LRRC4C: variants seen among roughly 807,000 people sequenced by gnomAD.
LRRC4C encodes leucine-rich repeat-containing protein 4C.
Under a neutral mutation model 33.6 loss-of-function variants are expected in LRRC4C, and 5 were observed. That is an observed-to-expected ratio of 0.15 (90% CI 0.08 to 0.31). LRRC4C has a LOEUF of 0.31. Ranked by LOEUF, LRRC4C falls within the 10% of genes least tolerant of loss-of-function variation. LRRC4C has a pLI of 1.00. For synonymous variants in LRRC4C, 329 were observed against 302.0 expected, an observed-to-expected ratio of 1.09 and a Z score of -0.93; for missense variants, 560 against 796.7, an observed-to-expected ratio of 0.70 and a Z score of 3.58.
chr11:40,906,643 T>C (rs1303770344), intron 2 of LRRC4C, among the ~76,000 whole-genome samples: 1 of 152,204 alleles, frequency 6.6e-6, no homozygotes, highest in Non-Finnish European at 1.5e-5. Flanking sequence ...ATTCCCTTTA[T>C]TGTGGTTGTC....
chr11:40,338,738 C>T (rs1946740494), intron 3 of LRRC4C, among the ~76,000 whole-genome samples: 1 of 151,974 alleles, frequency 6.6e-6, no homozygotes. Context: ...AAACTTACTC[C>T]AACGTTTCTG....
chr11:41,091,139 C>G (rs982292609), intron 1 of LRRC4C, among the ~76,000 whole-genome samples: 1 of 151,684 alleles, frequency 6.6e-6, no homozygotes, highest in Non-Finnish European at 1.5e-5. Context: ...TCTCTGTTGT[C>G]TATGTAATAC....
intron 3 of LRRC4C, among the ~76,000 whole-genome samples, chr11:40,646,542 C>T (rs1942469339): frequency 6.6e-6 from 1 of 152,138 alleles, no homozygotes; most frequent in South Asian, 2.1e-4. Context: ...AATAGAAAGA[C>T]CAAGTTTGAC....
rs976472582 is a variant in LRRC4C, at chr11:40,616,582, T to G, written c.-270+31560A>C. Among the ~76,000 whole-genome samples the G allele has an allele frequency of 2.6e-5, 4 of 151,636 alleles. No individual in the cohort carries two copies. The East Asian group carries it at 5.8e-4, about 22-fold the overall frequency. On this transcript the variant is annotated intron_variant, in intron 3 of 6. Coordinates refer to ENST00000528697, the MANE Select transcript of LRRC4C (RefSeq NM_001258419.2). ...ACACCATGGAATACTATGCAGCCAT[T>G]AAAAATGATGAGTTCATGTCCTTTG...
At chr11:40,654,906 G>T (rs1409695905) in intron 2 of LRRC4C, among the ~76,000 whole-genome samples, 3 of 152,118 alleles carry the variant, frequency 2.0e-5, no homozygotes, top group Non-Finnish European at 4.4e-5. Flanking sequence ...GGGTGAGTGA[G>T]TTCTCACAAG....
chr11:41,079,104 T>C (rs1177208536), intron 1 of LRRC4C, among the ~76,000 whole-genome samples: 1 of 152,178 alleles, frequency 6.6e-6, no homozygotes, highest in Non-Finnish European at 1.5e-5. Flanking sequence ...ACCTTTACGA[T>C]TGTCTAAAAG....
At chr11:40,385,887 T>TAAATAAATAAATAAATAAATAAATA (rs529477379) in intron 3 of LRRC4C, among the ~76,000 whole-genome samples, 54 of 148,020 alleles carry the variant, frequency 3.6e-4, no homozygotes, top group Non-Finnish European at 7.2e-4. Context: ...AATAAATAAA[T>TAAATAAATAAATAAATAAATAAATA]AAATAAAATA....
At chr11:41,336,493 G>A (rs760912653) in intron 1 of LRRC4C, among the ~76,000 whole-genome samples, 6 of 152,006 alleles carry the variant, frequency 3.9e-5, no homozygotes, top group Non-Finnish European at 7.4e-5. Flanking sequence ...GTCAAGTATA[G>A]TAGAAAGAAG....
intron 3 of LRRC4C, among the ~76,000 whole-genome samples, chr11:40,320,577 A>G (rs1945795212): frequency 1.3e-5 from 2 of 152,234 alleles, no homozygotes; most frequent in African/African-American, 4.8e-5. Context: ...TTGATATAGC[A>G]TCACAGAAAA....
At chr11:40,321,752 T>A (rs1945859527) in intron 3 of LRRC4C, among the ~76,000 whole-genome samples, 1 of 152,222 alleles carries the variant, frequency 6.6e-6, no homozygotes, top group Admixed American at 6.5e-5. Context: ...ATATTGATCT[T>A]TTCATACCTG....
At chr11:41,356,631 T>C (rs1235876130) in intron 1 of LRRC4C, among the ~76,000 whole-genome samples, 1 of 152,094 alleles carries the variant, frequency 6.6e-6, no homozygotes, top group African/African-American at 2.4e-5. Context: ...CTTGACCTCC[T>C]AGAGAAGGGG....
chr11:40,171,291 A>G (rs1487062546), intron 5 of LRRC4C, among the ~76,000 whole-genome samples: 2 of 152,178 alleles, frequency 1.3e-5, no homozygotes, highest in African/African-American at 4.8e-5. Flanking sequence ...GTTATCTTTT[A>G]CTGAATGCAT....
intron 1 of LRRC4C, among the ~76,000 whole-genome samples, chr11:41,304,803 A>C (rs867905273): frequency 2.1e-5 from 1 of 46,816 alleles, no homozygotes. Context: ...CAGCCGCCCC[A>C]TCCGGGAGGG....
intron 1 of LRRC4C, among the ~76,000 whole-genome samples, chr11:41,242,991 T>A (rs1370112185): frequency 6.6e-6 from 1 of 152,142 alleles, no homozygotes; most frequent in Non-Finnish European, 1.5e-5. Context: ...AGGAAAAAAA[T>A]TCTATCCCTG....
At chr11:41,326,516 A>C (rs192400953) in intron 1 of LRRC4C, among the ~76,000 whole-genome samples, 1 of 152,212 alleles carries the variant, frequency 6.6e-6, no homozygotes, top group East Asian at 1.9e-4. Flanking sequence ...CCTCTTGAGA[A>C]CCCTAATACA....
At chr11:40,684,086 A>G (rs1278361713) in intron 2 of LRRC4C, among the ~76,000 whole-genome samples, 8 of 152,184 alleles carry the variant, frequency 5.3e-5, no homozygotes, top group Admixed American at 5.2e-4. Context: ...TACTTACACA[A>G]TATTTCCACC....
chr11:40,696,997 G>T (rs935106779), intron 2 of LRRC4C, among the ~76,000 whole-genome samples: 3 of 151,806 alleles, frequency 2.0e-5, no homozygotes, highest in Non-Finnish European at 4.4e-5. Context: ...TGGCCTCATG[G>T]TCTCAATATT....
intron 2 of LRRC4C, among the ~76,000 whole-genome samples, chr11:40,717,116 A>G (rs1296484351): frequency 6.6e-6 from 1 of 152,100 alleles, no homozygotes; most frequent in East Asian, 1.9e-4. Flanking sequence ...ATGGGCTTAC[A>G]ACCTTTATAA....
At chr11:40,895,059 G>A (rs1269321387) in intron 2 of LRRC4C, among the ~76,000 whole-genome samples, 2 of 152,042 alleles carry the variant, frequency 1.3e-5, no homozygotes, top group South Asian at 2.1e-4. Flanking sequence ...TGTACGGAAT[G>A]TATTTATTGG....
Sources: gnomAD v4.1 joint callset for allele counts (sites outside exome capture counted in the v4.1 genomes callset) on GRCh38, gnomAD v4.1.1 for gene constraint, MANE v1.5 for transcripts, NCBI Gene and HGNC (gene_info 2026-07-23, HGNC 2026-07-21) for gene names.